Variants in HMG20A observed in about 807,000 individuals in gnomAD.
The protein encoded by HMG20A is high mobility group 20A.
Under a neutral mutation model 43.9 loss-of-function variants are expected in HMG20A, and 17 were observed. The observed-to-expected ratio is 0.39, with a 90% CI of 0.27 to 0.58. The LOEUF (loss-of-function observed/expected upper bound fraction) is 0.58, where lower values mean the gene tolerates loss of function less well. Ranked by LOEUF, HMG20A falls within the 20% of genes least tolerant of loss-of-function variation. HMG20A has a pLI of 0.59. For synonymous variants in HMG20A, 132 were observed against 147.5 expected, an observed-to-expected ratio of 0.89 and a Z score of 0.76; for missense variants, 341 against 438.2, an observed-to-expected ratio of 0.78 and a Z score of 1.98.
intron 6 of HMG20A, 109 bp from the exon 7 acceptor site, chr15:77,477,446 C>G: frequency 1.3e-6 from 1 of 777,824 alleles, no homozygotes. Flanking sequence ...GGACTGATTC[C>G]TGCTCACCCT....
the HMG20A span, among the ~76,000 whole-genome samples, chr15:77,501,099 G>T: frequency 6.6e-6 from 1 of 152,180 alleles, no homozygotes; most frequent in African/African-American, 2.4e-5. Flanking sequence ...TGGCTATTCA[G>T]TCCTGTCTCT....
chr15:77,449,698 CAG>C (rs1234898885), intron 1 of HMG20A, among the ~76,000 whole-genome samples: 2 of 152,038 alleles, frequency 1.3e-5, no homozygotes, highest in Non-Finnish European at 2.9e-5. Context: ...GCAGAAAATA[CAG>C]AGACTTCCTA....
chr15:77,497,362 C>T, the HMG20A span, among the ~76,000 whole-genome samples: 2 of 152,248 alleles, frequency 1.3e-5, no homozygotes, highest in South Asian at 4.1e-4. Flanking sequence ...CAAGAGGAGG[C>T]CTCCTGCTGA....
chr15:77,478,119 G>C, intron 7 of HMG20A, 176 bp from the exon 8 acceptor site: 1 of 615,774 alleles, frequency 1.6e-6, no homozygotes. Context: ...ATAGCTCTGG[G>C]GAGTCAGGCG....
At chr15:77,490,138 A>T (rs1053117937), downstream of HMG20A, among the ~76,000 whole-genome samples, 14 of 152,042 alleles carry the variant, frequency 9.2e-5, no homozygotes, top group African/African-American at 3.4e-4. Flanking sequence ...ACAAAACAAA[A>T]TTAGCTGGAC....
intron 1 of HMG20A, among the ~76,000 whole-genome samples, chr15:77,427,521 C>T (rs891831508): frequency 6.6e-6 from 1 of 152,096 alleles, no homozygotes; most frequent in Non-Finnish European, 1.5e-5. Flanking sequence ...AAATATTTGG[C>T]TAGTTGAACA....
chr15:77,479,309 T>G lies in HMG20A; in HGVS notation c.1038T>G (p.Asp346Glu), dbSNP rs774632243. 6.2e-7 allele frequency: 1 copy of G among 1,613,672 alleles called. No homozygotes were observed. Among genetic ancestry groups the G allele is most frequent in the Non-Finnish European group, 8.5e-7 (1 of 1,179,928 alleles). The change falls in exon 9 of 10, where the codon GAT becomes GAG. Residue 346 changes from aspartate to glutamate, a missense_variant. Asp to Glu is a conservative substitution (Grantham distance 45). This residue lies in a region of HMG20A where 118 missense variants were observed against 154.5 expected (regional missense o/e 0.76). Transcript: ENST00000336216. ...ATVREVVNRL[D>E]R is the part of the protein sequence containing the mutation. The stretch of plus-strand genomic sequence containing the variant: ...TTCGAGAAGTTGTGAACAGACTCGA[T>G]CGTTAGGGAATGGTGAGTGCTCACT...
the HMG20A span, among the ~76,000 whole-genome samples, chr15:77,502,005 T>C: frequency 1.3e-5 from 2 of 152,182 alleles, no homozygotes; most frequent in Non-Finnish European, 2.9e-5. Flanking sequence ...ATGGGTGAAG[T>C]ATGGTCCATG....
chr15:77,474,629 A>T (rs1297088367), intron 6 of HMG20A, among the ~76,000 whole-genome samples: 1 of 152,240 alleles, frequency 6.6e-6, no homozygotes, highest in Non-Finnish European at 1.5e-5. Context: ...TATAGTAAAG[A>T]AACCTATTGT....
chr15:77,475,372 G>GTGTT, intron 6 of HMG20A, among the ~76,000 whole-genome samples: 1 of 152,372 alleles, frequency 6.6e-6, no homozygotes, highest in East Asian at 1.9e-4. Context: ...AAGGGGCAGT[G>GTGTT]TGTTAATGCA....
At chr15:77,503,070 C>T in the HMG20A span, among the ~76,000 whole-genome samples, 32 of 152,208 alleles carry the variant, frequency 2.1e-4, no homozygotes, top group Non-Finnish European at 4.1e-4. Context: ...TGAAAAACAG[C>T]CATCTACTTA....
intron 1 of HMG20A, among the ~76,000 whole-genome samples, chr15:77,440,467 G>A (rs1332614720): frequency 6.6e-6 from 1 of 152,126 alleles, no homozygotes; most frequent in Non-Finnish European, 1.5e-5. Context: ...AACTGAGAAG[G>A]TGTCAGTTAG....
At chr15:77,494,605 G>T in the HMG20A span, among the ~76,000 whole-genome samples, 2 of 152,146 alleles carry the variant, frequency 1.3e-5, no homozygotes, top group African/African-American at 2.4e-5. Context: ...CTTTGCAGCC[G>T]TAAAGAGGAT....
chr15:77,494,312 T>C, the HMG20A span, among the ~76,000 whole-genome samples: 1 of 152,088 alleles, frequency 6.6e-6, no homozygotes, highest in Non-Finnish European at 1.5e-5. Flanking sequence ...CCATGTTTTA[T>C]AGAGATGGGG....
intron 2 of HMG20A, among the ~76,000 whole-genome samples, chr15:77,462,973 T>C (rs1432440652): frequency 6.6e-6 from 1 of 152,050 alleles, no homozygotes; most frequent in Non-Finnish European, 1.5e-5. Context: ...GGTTTCACCA[T>C]GTTGGCCAGG....
At chr15:77,509,000 C>A in the HMG20A span, among the ~76,000 whole-genome samples, 2 of 152,146 alleles carry the variant, frequency 1.3e-5, no homozygotes, top group African/African-American at 4.8e-5. Flanking sequence ...AAAGATGGAT[C>A]GTGAACCTTT....
chr15:77,440,187 T>G (rs1299946885), intron 1 of HMG20A, among the ~76,000 whole-genome samples: 1 of 152,192 alleles, frequency 6.6e-6, no homozygotes, highest in Non-Finnish European at 1.5e-5. Flanking sequence ...TTAACTATAG[T>G]GAACTCCAAT....
At chr15:77,448,180 T>A (rs1192699915) in intron 1 of HMG20A, among the ~76,000 whole-genome samples, 2 of 152,220 alleles carry the variant, frequency 1.3e-5, no homozygotes, top group Non-Finnish European at 2.9e-5. Context: ...TTTCCTTACT[T>A]TCCCTTTTCC....
At chr15:77,442,396 T>G (rs2142295898) in intron 1 of HMG20A, among the ~76,000 whole-genome samples, 2 of 152,352 alleles carry the variant, frequency 1.3e-5, no homozygotes, top group South Asian at 4.1e-4. Context: ...GAACTGAATC[T>G]GTGCTGTGTG....
Sources: allele counts gnomAD v4.1 joint callset (sites outside exome capture counted in the v4.1 genomes callset), GRCh38; gene constraint gnomAD v4.1.1; regional missense constraint gnomAD v4.1.1; transcripts MANE v1.5; gene names NCBI Gene and HGNC (gene_info 2026-07-23, HGNC 2026-07-21).